MACROD2: variants seen among roughly 807,000 people sequenced by gnomAD.
The protein encoded by MACROD2 is mono-ADP ribosylhydrolase 2, also known as ADP-ribose glycohydrolase MACROD2.
MACROD2 carries 36 observed loss-of-function variants against 70.4 expected under a neutral mutation model. The ratio of observed to expected loss-of-function variants is 0.51; its 90% confidence interval spans 0.39 to 0.68. The LOEUF (loss-of-function observed/expected upper bound fraction) is 0.68. Ranked by LOEUF, MACROD2 falls within the 30% of genes least tolerant of loss-of-function variation. The probability of loss-of-function intolerance (pLI) is 0.00; values close to 1 mark genes in which losing one functional copy is unlikely to be tolerated. For missense variants in MACROD2, 496 were observed against 538.4 expected, an observed-to-expected ratio of 0.92 and a Z score of 0.78; for synonymous variants, 172 against 178.8, an observed-to-expected ratio of 0.96 and a Z score of 0.30.
intron 5 of MACROD2, among the ~76,000 whole-genome samples, chr20:14,982,873 G>T (rs1036124262): frequency 1.3e-5 from 2 of 152,198 alleles, no homozygotes; most frequent in African/African-American, 4.8e-5. Context: ...GCTGTGAGAA[G>T]AGGATCACTA....
intron 3 of MACROD2, among the ~76,000 whole-genome samples, chr20:14,236,980 G>A (rs1170894107): frequency 6.6e-6 from 1 of 151,976 alleles, no homozygotes; most frequent in African/African-American, 2.4e-5. Context: ...ATTTTTGTAT[G>A]TCTGAAAATT....
chr20:15,070,977 A>C (rs1316681356), intron 5 of MACROD2, among the ~76,000 whole-genome samples: 3 of 152,080 alleles, frequency 2.0e-5, no homozygotes, highest in Non-Finnish European at 2.9e-5. Context: ...ATCAGCAAGC[A>C]ACCAACTTGT....
chr20:15,524,710 G>A (rs1387020337), intron 8 of MACROD2, among the ~76,000 whole-genome samples: 8 of 152,190 alleles, frequency 5.3e-5, no homozygotes, highest in African/African-American at 1.7e-4. Flanking sequence ...CCTAGGTATA[G>A]CCCTGTACAC....
intron 7 of MACROD2, among the ~76,000 whole-genome samples, chr20:15,470,118 C>T (rs2046945360): frequency 1.3e-5 from 2 of 152,074 alleles, no homozygotes; most frequent in Non-Finnish European, 2.9e-5. Context: ...GGTGCAATCT[C>T]AGCTCACTGC....
At chr20:15,937,625 C>G (rs2147331526) in intron 12 of MACROD2, 81 bp downstream of exon 12, 2 of 1,309,274 alleles carry the variant, frequency 1.5e-6, no homozygotes, top group Admixed American at 1.7e-5. Context: ...AAAAATGAAG[C>G]AGCAAGTCAA....
At chr20:15,920,403 A>G (rs185811957) in intron 10 of MACROD2, among the ~76,000 whole-genome samples, 1 of 152,352 alleles carries the variant, frequency 6.6e-6, no homozygotes, top group Non-Finnish European at 1.5e-5. Context: ...AACAGGGGGT[A>G]TCAGGAAGTA....
rs528191048 is a variant in MACROD2 at position 14,654,341 on chromosome 20, G to A, written c.302-30502G>A. Among the ~76,000 whole-genome samples the A allele has an allele frequency of 1.3e-3, 201 of 151,982 alleles. 1 individual carries two copies. The highest frequency in any genetic ancestry group is 2.1e-3 in the Non-Finnish European group (143 of 67,948). ...GCGGATGGATCACCTGAGGTCAGGAGTTCAAGAGCAGCCTGGCCAACATGG... is the reference window on the plus strand; with the variant it reads ...GCGGATGGATCACCTGAGGTCAGGAATTCAAGAGCAGCCTGGCCAACATGG... On this transcript the variant is annotated intron_variant, in intron 4 of 17. Coordinates refer to ENST00000684519, the MANE Select transcript of MACROD2 (RefSeq NM_001351661.2).
chr20:14,537,406 A>G (rs890633120), intron 4 of MACROD2, among the ~76,000 whole-genome samples: 1 of 152,190 alleles, frequency 6.6e-6, no homozygotes, highest in African/African-American at 2.4e-5. Context: ...GTCTACACCT[A>G]GGGACAGGGA....
intron 11 of MACROD2, among the ~76,000 whole-genome samples, chr20:15,935,381 C>T (rs545611608): frequency 1.3e-5 from 2 of 152,318 alleles, no homozygotes; most frequent in Non-Finnish European, 2.9e-5. Flanking sequence ...TGGCCAGTGT[C>T]AACACACATA....
intron 15 of MACROD2, among the ~76,000 whole-genome samples, chr20:16,001,364 A>T (rs1322145623): frequency 6.6e-6 from 1 of 152,234 alleles, no homozygotes; most frequent in African/African-American, 2.4e-5. Context: ...TGCTGCAATG[A>T]TTAAGAAAAA....
chr20:15,071,467 A>G (rs560895134), intron 5 of MACROD2, among the ~76,000 whole-genome samples: 85 of 152,324 alleles, frequency 5.6e-4, no homozygotes, highest in African/African-American at 2.0e-3. Flanking sequence ...GAGGGGCTCA[A>G]TAAATGTCTT....
Position 14,711,607 on chromosome 20 carries a change from A to G in MACROD2, c.418+26648A>G, listed in dbSNP as rs146839379. ...CTAATTTATTTCCTTTACAAAACTA[A>G]CGAGTGTTTGTCTACAGGATCAGTG... On this transcript the variant is annotated intron_variant, in intron 5 of 17. Transcript: ENST00000684519. 2.2e-3 allele frequency among the ~76,000 whole-genome samples: 341 copies of G among 152,286 alleles called. 6 individuals carry two copies. Among genetic ancestry groups the G allele is most frequent in the Admixed American group, 0.02 (299 of 15,290 alleles).
intron 3 of MACROD2, among the ~76,000 whole-genome samples, chr20:14,491,390 A>G (rs905166542): frequency 5.9e-5 from 9 of 152,246 alleles, no homozygotes; most frequent in African/African-American, 2.2e-4. Flanking sequence ...ATGATCAAAC[A>G]GTTTAAATTA....
intron 8 of MACROD2, among the ~76,000 whole-genome samples, chr20:15,599,422 G>A (rs987920493): frequency 4.6e-5 from 7 of 151,878 alleles, no homozygotes; most frequent in East Asian, 1.9e-4. Flanking sequence ...GAAACCATCC[G>A]AGAATTTCAG....
intron 8 of MACROD2, among the ~76,000 whole-genome samples, chr20:15,720,764 A>G (rs2050776696): frequency 6.6e-6 from 1 of 152,198 alleles, no homozygotes; most frequent in Non-Finnish European, 1.5e-5. Context: ...AAATTCTGGC[A>G]GGTCTTAATT....
At chr20:15,942,199 A>G (rs2065760109) in intron 12 of MACROD2, among the ~76,000 whole-genome samples, 2 of 152,166 alleles carry the variant, frequency 1.3e-5, no homozygotes, top group South Asian at 4.1e-4. Context: ...GCCAGCTGCC[A>G]ACAGAAGGAG....
intron 15 of MACROD2, among the ~76,000 whole-genome samples, chr20:16,036,633 G>A (rs2067240446): frequency 6.6e-6 from 1 of 151,950 alleles, no homozygotes; most frequent in Non-Finnish European, 1.5e-5. Context: ...GGCCATTTTT[G>A]TTTTTATCAG....
At chr20:15,231,533 A>G (rs2076959147) in intron 6 of MACROD2, among the ~76,000 whole-genome samples, 1 of 152,060 alleles carries the variant, frequency 6.6e-6, no homozygotes, top group South Asian at 2.1e-4. Flanking sequence ...AGAATTTGCT[A>G]GTGGAATCAC....
At chr20:14,467,318 C>T (rs778145066) in intron 3 of MACROD2, among the ~76,000 whole-genome samples, 3 of 152,092 alleles carry the variant, frequency 2.0e-5, no homozygotes, top group Admixed American at 6.5e-5. Flanking sequence ...GTTCCGTGGG[C>T]GTAGGACCCT....
Sources: gnomAD v4.1 joint callset for allele counts (sites outside exome capture counted in the v4.1 genomes callset) on GRCh38, gnomAD v4.1.1 for gene constraint, MANE v1.5 for transcripts, NCBI Gene and HGNC (gene_info 2026-07-23, HGNC 2026-07-21) for gene names.